NCKAP5: variants seen among roughly 807,000 people sequenced by gnomAD.
NCKAP5 encodes the protein nck-associated protein 5.
A neutral mutation model predicts 167.0 loss-of-function variants in NCKAP5; 92 were observed. That is an observed-to-expected ratio of 0.55 (90% CI 0.47 to 0.66). NCKAP5 has a LOEUF of 0.66. Among genes scored for constraint, NCKAP5 ranks in the 30% least tolerant of loss-of-function variants. The pLI is 0.00. For missense variants in NCKAP5, 2,378 were observed against 2,315.0 expected (o/e 1.03, Z -0.56); for synonymous variants, 891 against 877.4 (o/e 1.02, Z -0.27).
the NCKAP5 span, among the ~76,000 whole-genome samples, chr2:133,647,434 A>AGAAAGAAAGG: frequency 2.0e-4 from 18 of 91,812 alleles, no homozygotes; most frequent in East Asian, 3.6e-3. Flanking sequence ...AGAAAGGAAG[A>AGAAAGAAAGG]AAGAAAGAAA....
intron 5 of NCKAP5, among the ~76,000 whole-genome samples, chr2:133,211,130 A>T (rs892082157): frequency 1.3e-5 from 2 of 151,866 alleles, no homozygotes; most frequent in African/African-American, 2.4e-5. Flanking sequence ...CCCCTGCCAG[A>T]ATCCCCCTCC....
chr2:132,687,498 T>C (rs1686102815), intron 19 of NCKAP5, among the ~76,000 whole-genome samples: 1 of 152,180 alleles, frequency 6.6e-6, no homozygotes, highest in Non-Finnish European at 1.5e-5. Flanking sequence ...TTCTCTGCCA[T>C]GTATATCTAT....
chr2:133,149,249 T>C (rs2083301992), intron 5 of NCKAP5, among the ~76,000 whole-genome samples: 1 of 152,194 alleles, frequency 6.6e-6, no homozygotes. Context: ...TTATGTCATT[T>C]GTCATCCATT....
At chr2:133,056,199 T>G (rs2079794238) in intron 6 of NCKAP5, among the ~76,000 whole-genome samples, 3 of 152,138 alleles carry the variant, frequency 2.0e-5, no homozygotes, top group African/African-American at 7.2e-5. Flanking sequence ...AACATCTCTG[T>G]CCCCTAGTGT....
intron 3 of NCKAP5, among the ~76,000 whole-genome samples, chr2:133,455,154 G>A (rs1157037418): frequency 2.0e-5 from 3 of 152,090 alleles, no homozygotes; most frequent in Non-Finnish European, 2.9e-5. Flanking sequence ...ATTATTTACA[G>A]AGATAGTCAA....
intron 11 of NCKAP5, among the ~76,000 whole-genome samples, chr2:132,824,252 T>A (rs1244323547): frequency 6.6e-6 from 1 of 152,240 alleles, no homozygotes; most frequent in Non-Finnish European, 1.5e-5. Context: ...TAACAGTTCA[T>A]TGATCTTGTC....
chr2:132,760,613 C>T (rs1331188082), intron 16 of NCKAP5, among the ~76,000 whole-genome samples: 2 of 150,822 alleles, frequency 1.3e-5, no homozygotes, highest in Admixed American at 6.6e-5. Flanking sequence ...ATTTTTTCCC[C>T]CTCATGGTTT....
chr2:133,070,410 G>C (rs2080349708), intron 6 of NCKAP5, among the ~76,000 whole-genome samples: 1 of 152,060 alleles, frequency 6.6e-6, no homozygotes, highest in Non-Finnish European at 1.5e-5. Context: ...CTCAATACCT[G>C]CTCCCCAGAA....
At chr2:133,502,414 T>A (rs1256102082) in intron 3 of NCKAP5, among the ~76,000 whole-genome samples, 1 of 152,140 alleles carries the variant, frequency 6.6e-6, no homozygotes, top group Non-Finnish European at 1.5e-5. Context: ...GGCAGCCCTC[T>A]AGTGTGTGTG....
chr2:132,725,805 A>G, intron 18 of NCKAP5, 46 bp from the exon 19 acceptor site: 3 of 1,592,704 alleles, frequency 1.9e-6, no homozygotes, highest in Non-Finnish European at 2.6e-6. Flanking sequence ...TACAAATCAA[A>G]ATGAGGCAGA....
At chr2:132,988,816 G>C (rs2077371110) in intron 7 of NCKAP5, among the ~76,000 whole-genome samples, 1 of 152,136 alleles carries the variant, frequency 6.6e-6, no homozygotes, top group Non-Finnish European at 1.5e-5. Flanking sequence ...TCCCCTAGAG[G>C]GTACTTGATT....
the NCKAP5 span, among the ~76,000 whole-genome samples, chr2:133,639,160 A>G: frequency 6.6e-6 from 1 of 152,218 alleles, no homozygotes; most frequent in Non-Finnish European, 1.5e-5. Context: ...TAATAAATTC[A>G]GAGAATATCA....
At chr2:133,299,479 G>A (rs1181883104) in intron 4 of NCKAP5, among the ~76,000 whole-genome samples, 1 of 152,092 alleles carries the variant, frequency 6.6e-6, no homozygotes, top group African/African-American at 2.4e-5. Flanking sequence ...GGGCCCGGGG[G>A]CTCACACCTG....
Position 133,159,240 on chromosome 2 carries a change from G to A in NCKAP5, c.208-29129C>T, listed in dbSNP as rs922275127. ...CTGAAGAGAGGCCTTTAGGAGCTGAGGTTGGTCCCCGGTTAAAACAAAATG... is the reference window on the plus strand; with the variant it reads ...CTGAAGAGAGGCCTTTAGGAGCTGAAGTTGGTCCCCGGTTAAAACAAAATG... On this transcript the variant is annotated intron_variant, in intron 5 of 19. Coordinates refer to ENST00000409261, the MANE Select transcript of NCKAP5 (RefSeq NM_207363.3). 2.1e-4 allele frequency among the ~76,000 whole-genome samples: 32 copies of A among 152,240 alleles called. 1 individual carries two copies. The East Asian group carries it at 6.0e-3, about 29-fold the overall frequency.
chr2:133,096,259 G>A (rs1459622892), intron 6 of NCKAP5, among the ~76,000 whole-genome samples: 2 of 152,142 alleles, frequency 1.3e-5, no homozygotes, highest in East Asian at 3.9e-4. Flanking sequence ...GGGAGGCCAA[G>A]GCAGGTGGAA....
chr2:133,662,042 T>C, the NCKAP5 span, among the ~76,000 whole-genome samples: 1 of 152,190 alleles, frequency 6.6e-6, no homozygotes. Context: ...TTGAGCAGTG[T>C]GCTTAACCTG....
intron 8 of NCKAP5, among the ~76,000 whole-genome samples, chr2:132,951,132 G>A (rs1020605541): frequency 4.6e-5 from 7 of 151,994 alleles, no homozygotes; most frequent in Admixed American, 2.0e-4. Context: ...AACAAACCAC[G>A]GACACGTGTT....
chr2:132,784,184 G>T lies in NCKAP5; in HGVS notation c.2627C>A (p.Ser876Tyr), dbSNP rs940520340. ...PKHSAQLPHS[S>Y]RMPSRRDWVQ... ...CCAGTCCCTCCTGCTGGGCATCCTG[G>T]AGCTGTGCGGAAGTTGGGCGGAATG... The change falls in exon 14 of 20, where the codon TCC becomes TAC. Residue 876 changes from serine (S) to tyrosine (Y), a missense_variant. Coordinates refer to ENST00000409261, the MANE Select transcript of NCKAP5 (RefSeq NM_207363.3). The T allele has an allele frequency of 3.9e-6, 6 of 1,552,070 alleles. No individual in the cohort carries two copies. The highest frequency in any genetic ancestry group is 5.2e-6 in the Non-Finnish European group (6 of 1,151,056).
At chr2:132,722,724 G>T (rs1388858782) in intron 19 of NCKAP5, among the ~76,000 whole-genome samples, 1 of 152,108 alleles carries the variant, frequency 6.6e-6, no homozygotes, top group Non-Finnish European at 1.5e-5. Flanking sequence ...GAAGGCAAGG[G>T]CAAATCCAGC....
Sources: allele counts gnomAD v4.1 joint callset (sites outside exome capture counted in the v4.1 genomes callset), GRCh38; gene constraint gnomAD v4.1.1; transcripts MANE v1.5; gene names NCBI Gene and HGNC (gene_info 2026-07-23, HGNC 2026-07-21).